The following DLGAP1 variants were observed in gnomAD, a reference collection of about 807,000 sequenced individuals.
DLGAP1 encodes the protein DLG associated protein 1.
DLGAP1 carries 11 observed loss-of-function variants against 90.8 expected under a neutral mutation model. The observed-to-expected ratio is 0.12, with a 90% CI of 0.08 to 0.20. DLGAP1 has a LOEUF of 0.20. Among genes scored for constraint, DLGAP1 ranks in the 10% least tolerant of loss-of-function variants. The probability of loss-of-function intolerance (pLI) is 1.00; values close to 1 mark genes in which losing one functional copy is unlikely to be tolerated. For missense variants in DLGAP1, 1,050 were observed against 1,333.8 expected, an observed-to-expected ratio of 0.79 and a Z score of 3.31; for synonymous variants, 558 against 540.7, an observed-to-expected ratio of 1.03 and a Z score of -0.44.
intron 1 of DLGAP1, among the ~76,000 whole-genome samples, chr18:4,292,544 T>G (rs1275752529): frequency 2.0e-5 from 3 of 152,168 alleles, no homozygotes; most frequent in African/African-American, 4.8e-5. Flanking sequence ...ATAATATACT[T>G]TACTAATTTT....
At chr18:4,403,935 T>A (rs971538110) in intron 1 of DLGAP1, among the ~76,000 whole-genome samples, 1 of 152,130 alleles carries the variant, frequency 6.6e-6, no homozygotes, top group Non-Finnish European at 1.5e-5. Context: ...CAGCCCTTTT[T>A]CCCACTTGCT....
At chr18:3,601,077 GATAGATAT>G (rs1443038459) in intron 7 of DLGAP1, among the ~76,000 whole-genome samples, 5 of 146,960 alleles carry the variant, frequency 3.4e-5, no homozygotes, top group African/African-American at 7.6e-5. Context: ...TAGATATATA[GATAGATAT>G]ATAGATATAT....
chr18:4,182,954 C>A (rs1324684317), intron 1 of DLGAP1, among the ~76,000 whole-genome samples: 1 of 152,080 alleles, frequency 6.6e-6, no homozygotes, highest in Admixed American at 6.6e-5. Flanking sequence ...AAGGAAGGAA[C>A]ACATTTCAGA....
intron 4 of DLGAP1, among the ~76,000 whole-genome samples, chr18:3,860,487 A>G (rs1403071799): frequency 2.0e-5 from 3 of 152,198 alleles, no homozygotes; most frequent in Non-Finnish European, 4.4e-5. Flanking sequence ...GACATGAAAT[A>G]TCTCACTCAA....
chr18:3,912,712 T>C (rs1433287087), intron 3 of DLGAP1, among the ~76,000 whole-genome samples: 1 of 152,206 alleles, frequency 6.6e-6, no homozygotes, highest in Non-Finnish European at 1.5e-5. Context: ...GAGGCTGGTG[T>C]GTCCACAAGC....
intron 4 of DLGAP1, among the ~76,000 whole-genome samples, chr18:3,868,548 T>C (rs987462899): frequency 6.6e-6 from 1 of 152,202 alleles, no homozygotes; most frequent in African/African-American, 2.4e-5. Flanking sequence ...ATAGTGTCCA[T>C]AGGATGATCT....
At chr18:4,408,004 G>C (rs2082700578) in intron 1 of DLGAP1, among the ~76,000 whole-genome samples, 3 of 152,154 alleles carry the variant, frequency 2.0e-5, no homozygotes, top group Admixed American at 6.5e-5. Context: ...CGTGAGTTTT[G>C]TCAAAGAATT....
At chr18:3,555,402 C>T (rs1011995801) in intron 9 of DLGAP1, among the ~76,000 whole-genome samples, 5 of 151,588 alleles carry the variant, frequency 3.3e-5, no homozygotes, top group Non-Finnish European at 7.4e-5. Flanking sequence ...CTACAAACTT[C>T]AATAATTCAA....
rs1268482795 is a variant in DLGAP1 at position 4,049,651 on chromosome 18, CT to C, written c.-158-44451del. Reference sequence around the variant, plus strand: ...ACTGGGCCATCTGCCTTAGTCCTTGCTCTTGTCAGTTCCTGTCTCCAGCATG... The same window carrying C: ...ACTGGGCCATCTGCCTTAGTCCTTGCCTTGTCAGTTCCTGTCTCCAGCATG... On this transcript the variant is annotated intron_variant, in intron 2 of 12. Coordinates refer to ENST00000315677, the MANE Select transcript of DLGAP1 (RefSeq NM_004746.4). Among the ~76,000 whole-genome samples the C allele has an allele frequency of 1.2e-3, 180 of 152,300 alleles. 1 individual carries two copies. The highest frequency in any genetic ancestry group is 4.1e-3 in the African/African-American group (170 of 41,556).
chr18:3,849,330 G>T (rs1193360695), intron 4 of DLGAP1, among the ~76,000 whole-genome samples: 2 of 152,120 alleles, frequency 1.3e-5, no homozygotes, highest in African/African-American at 4.8e-5. Context: ...CTCACCTAAG[G>T]TTGAGTCTCT....
chr18:3,582,160 C>G lies in DLGAP1; in HGVS notation c.1680G>C (p.Gln560His). ...CATCCTGGGCTGACTCTGTGCTACT[C>G]TGGGCTGTGATAGAAATGAAAGGTT... is the stretch of plus-strand genomic sequence containing the variant. ...TTKPFISITA[Q>H]SSTESAQDAY... The change falls in exon 8 of 13, where the codon CAG (glutamine) becomes CAC (histidine). Residue 560 changes from glutamine (Q) to histidine (H), a missense_variant. Gln to His is a conservative substitution (Grantham distance 24, BLOSUM62 0). This residue lies in a region of DLGAP1 where 565 missense variants were observed against 879.7 expected (regional missense o/e 0.64). Transcript: ENST00000315677. 1 of 1,613,990 alleles carries G rather than the reference C, an allele frequency of 6.2e-7. No individual in the cohort carries two copies. Among genetic ancestry groups the G allele is most frequent in the East Asian group, 2.2e-5 (1 of 44,880 alleles).
chr18:3,678,020 G>C (rs1302106214), intron 7 of DLGAP1, among the ~76,000 whole-genome samples: 1 of 139,310 alleles, frequency 7.2e-6, no homozygotes, highest in Non-Finnish European at 1.5e-5. Context: ...GGAGTGCAAT[G>C]GTGCAATCTT....
At chr18:4,075,349 A>G (rs1479460907) in intron 2 of DLGAP1, among the ~76,000 whole-genome samples, 1 of 152,166 alleles carries the variant, frequency 6.6e-6, no homozygotes, top group Non-Finnish European at 1.5e-5. Context: ...AGAAATAGGG[A>G]GAAAGCAAAT....
chr18:4,067,440 A>G (rs934181560), intron 2 of DLGAP1, among the ~76,000 whole-genome samples: 1 of 152,100 alleles, frequency 6.6e-6, no homozygotes, highest in African/African-American at 2.4e-5. Flanking sequence ...GGGGTTGGAC[A>G]TACCTCATTA....
chr18:3,515,243 G>A (rs2050762478), intron 10 of DLGAP1, among the ~76,000 whole-genome samples: 1 of 151,980 alleles, frequency 6.6e-6, no homozygotes, highest in East Asian at 1.9e-4. Context: ...GGCCAAGGTG[G>A]GTGGATCACG....
chr18:4,410,307 T>TA (rs936729665), intron 1 of DLGAP1, among the ~76,000 whole-genome samples: 28 of 151,992 alleles, frequency 1.8e-4, no homozygotes, highest in Non-Finnish European at 2.8e-4. Flanking sequence ...TATGGAAAAA[T>TA]AAAAAAATTG....
intron 1 of DLGAP1, among the ~76,000 whole-genome samples, chr18:4,283,782 A>C (rs2079612071): frequency 6.6e-6 from 1 of 150,826 alleles, no homozygotes; most frequent in Non-Finnish European, 1.5e-5. Flanking sequence ...TATTCAATAT[A>C]GTTAACAAGT....
intron 5 of DLGAP1, among the ~76,000 whole-genome samples, chr18:3,787,150 G>A (rs1195298845): frequency 6.6e-6 from 1 of 152,010 alleles, no homozygotes; most frequent in Non-Finnish European, 1.5e-5. Flanking sequence ...TCATGAAATG[G>A]CTTTAGATTT....
intron 2 of DLGAP1, among the ~76,000 whole-genome samples, chr18:4,131,851 G>T (rs1202384273): frequency 6.6e-6 from 1 of 152,180 alleles, no homozygotes; most frequent in Non-Finnish European, 1.5e-5. Context: ...CATTGTCAAA[G>T]ATCTTATTTT....
Sources: gnomAD v4.1 joint callset for allele counts (sites outside exome capture counted in the v4.1 genomes callset) on GRCh38, gnomAD v4.1.1 for gene constraint, gnomAD v4.1.1 regional missense constraint, MANE v1.5 for transcripts, NCBI Gene and HGNC (gene_info 2026-07-23, HGNC 2026-07-21) for gene names.